Variants in HPSE2 observed in about 807,000 individuals in gnomAD.
The protein encoded by HPSE2 is heparanase 2 (inactive).
HPSE2 carries 38 observed loss-of-function variants against 60.5 expected under a neutral mutation model. The observed-to-expected ratio is 0.63, with a 90% CI of 0.48 to 0.82. The LOEUF (loss-of-function observed/expected upper bound fraction) is 0.82. HPSE2 is among the 40% of genes least tolerant of loss of function. The pLI is 0.00. For missense variants in HPSE2, 713 were observed against 740.4 expected (o/e 0.96, Z 0.43); for synonymous variants, 295 against 293.2 (o/e 1.01, Z -0.06).
Position 98,788,548 on chromosome 10 carries a change from T to C in HPSE2, c.611-44492A>G, listed in dbSNP as rs1206151886. On this transcript the variant is annotated intron_variant, in intron 3 of 11. Coordinates refer to ENST00000370552, the MANE Select transcript of HPSE2 (RefSeq NM_021828.5). Reference sequence around the variant, plus strand: ...GGCAGGCGCCCCTCCCCCAGCCTCGTTGCCGCCTTGCAGTTTGATCTCAGA... The same window carrying C: ...GGCAGGCGCCCCTCCCCCAGCCTCGCTGCCGCCTTGCAGTTTGATCTCAGA... Among the ~76,000 whole-genome samples the C allele has an allele frequency of 6.6e-5, 10 of 151,592 alleles. No homozygotes were observed. The East Asian group carries it at 1.2e-3, about 18-fold the overall frequency.
chr10:98,725,868 A>C (rs1949062414), intron 4 of HPSE2, among the ~76,000 whole-genome samples: 1 of 152,224 alleles, frequency 6.6e-6, no homozygotes, highest in Non-Finnish European at 1.5e-5. Context: ...TTATGCAGCC[A>C]AAAAACACAT....
chr10:98,539,058 C>T (rs1943377578), intron 9 of HPSE2, among the ~76,000 whole-genome samples: 1 of 152,318 alleles, frequency 6.6e-6, no homozygotes, highest in Non-Finnish European at 1.5e-5. Context: ...ATTACTGACC[C>T]ATTACATAGG....
the HPSE2 span, among the ~76,000 whole-genome samples, chr10:99,285,462 G>A: frequency 8.9e-6 from 1 of 112,252 alleles, no homozygotes. Flanking sequence ...TGAAAGAAAG[G>A]GAAGGAAGGA....
chr10:99,021,595 A>G (rs1957264506), intron 3 of HPSE2, among the ~76,000 whole-genome samples: 1 of 152,206 alleles, frequency 6.6e-6, no homozygotes, highest in Admixed American at 6.5e-5. Flanking sequence ...TAAATGTAAT[A>G]CATAAAAAGA....
intron 2 of HPSE2, among the ~76,000 whole-genome samples, chr10:99,218,965 A>G (rs896464128): frequency 2.6e-5 from 4 of 152,210 alleles, no homozygotes; most frequent in Admixed American, 6.5e-5. Context: ...CATACCTATC[A>G]GGCCACTGAG....
the HPSE2 span, among the ~76,000 whole-genome samples, chr10:99,305,979 G>GCGCACGCACACACACA: frequency 2.4e-4 from 19 of 80,586 alleles, no homozygotes; most frequent in African/African-American, 9.2e-4. Flanking sequence ...GCGCGCGCGC[G>GCGCACGCACACACACA]CACACACACA....
chr10:98,566,623 C>T lies in HPSE2; in HGVS notation c.1320+48281G>A, dbSNP rs114169865. 1.8e-3 allele frequency among the ~76,000 whole-genome samples: 279 copies of T among 152,258 alleles called. 1 individual carries two copies. The highest frequency in any genetic ancestry group is 6.1e-3 in the African/African-American group (253 of 41,554). Reference sequence around the variant, plus strand: ...TGCCCATTTTCTCCAAGACTTTGTGCGAAGGCAGCACAACATCAGGCCATC... The same window carrying T: ...TGCCCATTTTCTCCAAGACTTTGTGTGAAGGCAGCACAACATCAGGCCATC... On this transcript the variant is annotated intron_variant, in intron 9 of 11. Transcript: ENST00000370552.
intron 3 of HPSE2, among the ~76,000 whole-genome samples, chr10:99,055,987 C>A (rs1362239433): frequency 6.6e-6 from 1 of 151,948 alleles, no homozygotes; most frequent in African/African-American, 2.4e-5. Context: ...GAGTTGAAAT[C>A]AGCAAACAAT....
intron 3 of HPSE2, among the ~76,000 whole-genome samples, chr10:99,073,012 T>C (rs922022234): frequency 9.3e-5 from 14 of 151,036 alleles, no homozygotes; most frequent in Non-Finnish European, 1.5e-5. Flanking sequence ...CAGGAATGCT[T>C]TTACACTGTT....
intron 3 of HPSE2, among the ~76,000 whole-genome samples, chr10:98,842,020 A>G (rs1193572809): frequency 6.6e-6 from 1 of 152,072 alleles, no homozygotes; most frequent in Non-Finnish European, 1.5e-5. Flanking sequence ...GTTAGCCAGG[A>G]TGGTCTCGAT....
intron 9 of HPSE2, among the ~76,000 whole-genome samples, chr10:98,596,729 T>C (rs1247811071): frequency 1.3e-5 from 2 of 152,188 alleles, no homozygotes; most frequent in Admixed American, 6.5e-5. Flanking sequence ...CTATCCTTAT[T>C]GGAACTCCCT....
chr10:98,724,153 T>C (rs1213233076), intron 4 of HPSE2, among the ~76,000 whole-genome samples: 4 of 152,138 alleles, frequency 2.6e-5, no homozygotes, highest in Non-Finnish European at 4.4e-5. Flanking sequence ...CCAGAGATTC[T>C]GGTATGTTGT....
chr10:99,028,783 C>G (rs1287043006), intron 3 of HPSE2, among the ~76,000 whole-genome samples: 1 of 152,126 alleles, frequency 6.6e-6, no homozygotes, highest in Non-Finnish European at 1.5e-5. Flanking sequence ...TCATTAAAAA[C>G]AGACGCATAG....
intron 3 of HPSE2, among the ~76,000 whole-genome samples, chr10:98,949,415 C>T (rs937540590): frequency 1.3e-5 from 2 of 149,714 alleles, no homozygotes; most frequent in Admixed American, 1.3e-4. Flanking sequence ...TTCAGTCTTT[C>T]TCTGGTGGCA....
At chr10:98,470,535 C>T (rs1266772610) in intron 11 of HPSE2, among the ~76,000 whole-genome samples, 2 of 152,238 alleles carry the variant, frequency 1.3e-5, no homozygotes, top group Non-Finnish European at 2.9e-5. Flanking sequence ...TAGGGATAAG[C>T]TGGATTAGAA....
At chr10:98,840,351 A>G (rs1565201950) in intron 3 of HPSE2, among the ~76,000 whole-genome samples, 2 of 152,220 alleles carry the variant, frequency 1.3e-5, no homozygotes, top group African/African-American at 2.4e-5. Context: ...TAGATGTTAA[A>G]AAGTTTTGAA....
chr10:98,924,865 G>A (rs1954400645), intron 3 of HPSE2, among the ~76,000 whole-genome samples: 1 of 152,322 alleles, frequency 6.6e-6, no homozygotes, highest in South Asian at 2.1e-4. Flanking sequence ...CCTAAGTGGT[G>A]AGGTTTGCAC....
chr10:98,998,212 G>A (rs1223626896), intron 3 of HPSE2, among the ~76,000 whole-genome samples: 1 of 152,182 alleles, frequency 6.6e-6, no homozygotes, highest in African/African-American at 2.4e-5. Context: ...AAAAGAGAAA[G>A]TTGTGATTTG....
intron 5 of HPSE2, among the ~76,000 whole-genome samples, chr10:98,719,523 T>C (rs760780001): frequency 2.1e-4 from 32 of 151,772 alleles, no homozygotes; most frequent in Admixed American, 6.6e-4. Context: ...GAGTAGGGTA[T>C]CTTCCAAAAT....
Sources: allele counts gnomAD v4.1 joint callset (sites outside exome capture counted in the v4.1 genomes callset), GRCh38; gene constraint gnomAD v4.1.1; transcripts MANE v1.5; gene names NCBI Gene and HGNC (gene_info 2026-07-23, HGNC 2026-07-21).